RRAGC: variants seen among roughly 807,000 people sequenced by gnomAD.
RRAGC encodes Ras related GTP binding C, also known as ras-related GTP-binding protein C.
A neutral mutation model predicts 37.1 loss-of-function variants in RRAGC; 8 were observed. The observed-to-expected ratio is 0.22, with a 90% CI of 0.13 to 0.39. The LOEUF is 0.39. Ranked by LOEUF, RRAGC falls within the 10% of genes least tolerant of loss-of-function variation. The pLI is 1.00. For synonymous variants in RRAGC, 190 were observed against 181.1 expected (o/e 1.05, Z -0.39); for missense variants, 342 against 497.6 (o/e 0.69, Z 2.98).
chr1:38,851,842 C>T (rs1642104343), intron 4 of RRAGC, 85 bp from the exon 5 acceptor site: 1 of 1,210,906 alleles, frequency 8.3e-7, no homozygotes, highest in East Asian at 2.4e-5. Context: ...TACTGAATAA[C>T]ATCCAAGGTC....
rs765821759 is a variant in RRAGC, at chr1:38,851,780, T to G, written c.757-23A>C. On this transcript the variant is annotated intron_variant, in intron 4 of 6. Transcript: ENST00000373001. ...ATTCTTGGAAAAACAAATGGGAAAC[T>G]GTTCAGTATTTTTTAAGAATCACAA... The G allele has an allele frequency of 6.9e-6, 11 of 1,594,764 alleles. No homozygotes were observed. The Admixed American group carries it at 1.8e-4, about 25-fold the overall frequency.
intron 6 of RRAGC, among the ~76,000 whole-genome samples, chr1:38,841,236 A>G (rs538056327): frequency 6.6e-6 from 1 of 152,302 alleles, no homozygotes; most frequent in South Asian, 2.1e-4. Flanking sequence ...AATAATCTAT[A>G]ATAACTGAGA....
intron 6 of RRAGC, among the ~76,000 whole-genome samples, chr1:38,842,287 C>T (rs116076275): frequency 1.8e-3 from 278 of 151,942 alleles, no homozygotes; most frequent in African/African-American, 6.4e-3. Flanking sequence ...AATAAATAAA[C>T]AAATAAACTA....
At chr1:38,859,260 G>A (rs989984563) in intron 1 of RRAGC, 150 bp downstream of exon 1, 5 of 766,340 alleles carry the variant, frequency 6.5e-6, no homozygotes, top group African/African-American at 3.6e-5. Flanking sequence ...GTCCCCGCGC[G>A]GGCCGCGCCT....
At chr1:38,859,386 G>C in intron 1 of RRAGC, 24 bp downstream of exon 1, 1 of 1,541,746 alleles carries the variant, frequency 6.5e-7, no homozygotes, top group Non-Finnish European at 8.8e-7. Flanking sequence ...GAGGGGGCGG[G>C]GGACTGGGCG....
intron 3 of RRAGC, among the ~76,000 whole-genome samples, chr1:38,853,986 C>T (rs947512472): frequency 6.6e-6 from 1 of 151,490 alleles, no homozygotes; most frequent in Non-Finnish European, 1.5e-5. Flanking sequence ...AGTCACAGGG[C>T]ATTTTAGTAA....
rs183913417 is a variant in RRAGC, at chr1:38,838,649, A to G, written c.*904T>C. ...CCAACTCCCAGTGGACAGTCCCCCAATGCCTTAGGGTCACTCGTGGTCAAC... is the reference window on the plus strand; with the variant it reads ...CCAACTCCCAGTGGACAGTCCCCCAGTGCCTTAGGGTCACTCGTGGTCAAC... On this transcript the variant is annotated 3_prime_UTR_variant, in exon 7 of 7. Coordinates refer to ENST00000373001, the MANE Select transcript of RRAGC (RefSeq NM_022157.4). 9.2e-5 allele frequency: 14 copies of G among 152,352 alleles called. No homozygotes were observed. Among genetic ancestry groups the G allele is most frequent in the Non-Finnish European group, 1.8e-4 (12 of 68,032 alleles). The allele number at this position is 152,352 out of a possible 1,614,324, so 9.4% of individuals were successfully genotyped here.
chr1:38,857,233 C>G, intron 1 of RRAGC, 151 bp from the exon 2 acceptor site: 1 of 614,824 alleles, frequency 1.6e-6, no homozygotes, highest in Non-Finnish European at 2.9e-6. Context: ...TTGGTATTCA[C>G]TATCCCTTTA....
At chr1:38,856,845 A>C (rs1198283390) in intron 2 of RRAGC, 34 bp downstream of exon 2, 1 of 1,587,728 alleles carries the variant, frequency 6.3e-7, no homozygotes, top group African/African-American at 1.3e-5. Context: ...TCTTTTTCCC[A>C]CCAGGAAAGA....
intron 6 of RRAGC, among the ~76,000 whole-genome samples, chr1:38,841,745 A>G (rs912513774): frequency 1.3e-5 from 2 of 150,416 alleles, no homozygotes; most frequent in Admixed American, 6.6e-5. Context: ...GCTATGTGAG[A>G]GGCTGAGGTG....
rs1297676780 is a variant in RRAGC at position 38,857,005 on chromosome 1, G to A, written c.315C>T (p.Ser105=). Residue 105 remains serine, a synonymous_variant, in exon 2 of 7, where the codon TCC becomes TCT. Coordinates refer to ENST00000373001, the MANE Select transcript of RRAGC (RefSeq NM_022157.4). ...TCTGGAAATTCACAAAGGAGCTATTGGAAATGTCATCCTTATAAATCTTGT... is the reference window on the plus strand; with the variant it reads ...TCTGGAAATTCACAAAGGAGCTATTAGAAATGTCATCCTTATAAATCTTGT... ...STNKIYKDDI[S]NSSFVNFQIW... is the part of the protein sequence containing the mutation. The A allele has an allele frequency of 1.2e-6, 2 of 1,613,790 alleles. No individual in the cohort carries two copies. Among genetic ancestry groups the A allele is most frequent in the East Asian group, 2.2e-5 (1 of 44,864 alleles).
At chr1:38,851,529 G>A (rs1475585388) in intron 5 of RRAGC, 86 bp downstream of exon 5, 2 of 1,216,230 alleles carry the variant, frequency 1.6e-6, no homozygotes, top group African/African-American at 3.2e-5. Flanking sequence ...CACTTGCCAG[G>A]GGCCTCAGAA....
At chr1:38,840,966 C>T (rs1388983647) in intron 6 of RRAGC, among the ~76,000 whole-genome samples, 1 of 152,146 alleles carries the variant, frequency 6.6e-6, no homozygotes, top group Non-Finnish European at 1.5e-5. Context: ...ATCATTAAGT[C>T]ACTGTTAATT....
At chr1:38,849,100 C>CA (rs562731544) in intron 5 of RRAGC, among the ~76,000 whole-genome samples, 3,006 of 116,328 alleles carry the variant, frequency 0.026, 79 homozygotes, top group African/African-American at 0.076. Flanking sequence ...GACCATGTCT[C>CA]AAAAAAAAAA....
intron 3 of RRAGC, among the ~76,000 whole-genome samples, chr1:38,853,073 G>C (rs1000452089): frequency 6.6e-6 from 1 of 152,250 alleles, no homozygotes; most frequent in Non-Finnish European, 1.5e-5. Flanking sequence ...AGGGGAAAGA[G>C]ACTTTGTCAG....
intron 3 of RRAGC, 64 bp downstream of exon 3, chr1:38,855,644 G>C: frequency 2.4e-6 from 3 of 1,275,094 alleles, no homozygotes; most frequent in Non-Finnish European, 3.4e-6. Flanking sequence ...TGTTTGTAAT[G>C]ACAGAGATGG....
In RRAGC at chr1:38,856,770, A is replaced by C. The variant is rs930621951; in HGVS notation, c.441+109T>G. 9 of 1,012,288 alleles carry C rather than the reference A, an allele frequency of 8.9e-6. No homozygotes were observed. The African/African-American group carries it at 1.1e-4, about 13-fold the overall frequency. The allele number at this position is 1,012,288 out of a possible 1,614,324, so 62.7% of individuals were successfully genotyped here. ...CATCTCTTACACTGTTAGGGAATCT[A>C]CTGCCAAAGAGATAAGCTGCAACCA... On this transcript the variant is annotated intron_variant, in intron 2 of 6. Transcript: ENST00000373001.
intron 6 of RRAGC, among the ~76,000 whole-genome samples, chr1:38,841,875 G>A (rs1641967607): frequency 6.6e-6 from 1 of 152,142 alleles, no homozygotes. Flanking sequence ...GGTGGCTCAC[G>A]CCTATAATCC....
intron 3 of RRAGC, among the ~76,000 whole-genome samples, 159 bp downstream of exon 3, chr1:38,855,549 G>C (rs1379472179): frequency 6.6e-6 from 1 of 152,146 alleles, no homozygotes; most frequent in Non-Finnish European, 1.5e-5. Context: ...TCAATATCAG[G>C]CTCCCCAGAC....
Sources: gnomAD v4.1 joint callset for allele counts (sites outside exome capture counted in the v4.1 genomes callset) on GRCh38, gnomAD v4.1.1 for gene constraint, MANE v1.5 for transcripts, NCBI Gene and HGNC (gene_info 2026-07-23, HGNC 2026-07-21) for gene names.